Variants in RTTN observed in about 807,000 individuals in gnomAD.
RTTN encodes rotatin.
RTTN carries 182 observed loss-of-function variants against 269.2 expected under a neutral mutation model. That is an observed-to-expected ratio of 0.68 (90% CI 0.60 to 0.76). The LOEUF is 0.76. Among genes scored for constraint, RTTN ranks in the 30% least tolerant of loss-of-function variants. The probability of loss-of-function intolerance (pLI) is 0.00; values close to 1 mark genes in which losing one functional copy is unlikely to be tolerated. For missense variants in RTTN, 2,545 were observed against 2,608.6 expected, an observed-to-expected ratio of 0.98 and a Z score of 0.53; for synonymous variants, 1,006 against 963.5, an observed-to-expected ratio of 1.04 and a Z score of -0.82.
At chr18:70,149,948 A>G (rs753599867) in intron 16 of RTTN, 23 bp downstream of exon 16, 111 of 1,477,170 alleles carry the variant, frequency 7.5e-5, no homozygotes, top group Middle Eastern at 1.8e-4. Context: ...ATGGTATCAT[A>G]AAAAGTGAAT....
chr18:70,101,227 G>C (rs1019951134), intron 28 of RTTN, among the ~76,000 whole-genome samples: 4 of 152,098 alleles, frequency 2.6e-5, no homozygotes, highest in African/African-American at 9.7e-5. Context: ...TGGTTGGTAG[G>C]CTAATAATTA....
At chr18:70,054,668 A>G (rs2057766804) in intron 37 of RTTN, among the ~76,000 whole-genome samples, 2 of 152,154 alleles carry the variant, frequency 1.3e-5, no homozygotes, top group Non-Finnish European at 2.9e-5. Context: ...TCCTGTTTCC[A>G]CAAAAAATAT....
chr18:70,066,042 A>C, intron 34 of RTTN, 120 bp from the exon 35 acceptor site: 5 of 519,722 alleles, frequency 9.6e-6, no homozygotes, highest in Non-Finnish European at 1.3e-5. Flanking sequence ...ACTAGTTAGG[A>C]TAACTAGAAA....
At chr18:70,042,961 A>G (rs2057389189) in intron 40 of RTTN, among the ~76,000 whole-genome samples, 1 of 152,232 alleles carries the variant, frequency 6.6e-6, no homozygotes, top group Non-Finnish European at 1.5e-5. Flanking sequence ...GAGACTGCAC[A>G]TAGCACAGAG....
At chr18:70,107,937 GAC>G (rs2059364421) in intron 28 of RTTN, among the ~76,000 whole-genome samples, 1 of 152,156 alleles carries the variant, frequency 6.6e-6, no homozygotes, top group Non-Finnish European at 1.5e-5. Flanking sequence ...TACTAAGGCT[GAC>G]ACACATAAAA....
chr18:70,042,366 C>CTTTT (rs1017125527), intron 40 of RTTN, among the ~76,000 whole-genome samples: 29 of 78,074 alleles, frequency 3.7e-4, no homozygotes, highest in African/African-American at 5.9e-4. Flanking sequence ...TTGGAATTTT[C>CTTTT]TTTTTTTTTT....
chr18:70,196,606 G>A lies in RTTN; in HGVS notation c.736C>T (p.His246Tyr). The change falls in exon 7 of 49, where the codon CAT (histidine) becomes TAT (tyrosine). Residue 246 changes from histidine (H) to tyrosine (Y), a missense_variant. Coordinates refer to ENST00000640769, the MANE Select transcript of RTTN (RefSeq NM_173630.4). Reference protein sequence around the residue: ...LLKLAFGDGKHRLALQSVSCL... With the variant: ...LLKLAFGDGKYRLALQSVSCL... ...GACACCGACTGTAATGCCAGGCGATGCTTTCCATCTCCAAAGGCCAGTTTC... is the reference window on the plus strand; with the variant it reads ...GACACCGACTGTAATGCCAGGCGATACTTTCCATCTCCAAAGGCCAGTTTC... The A allele has an allele frequency of 5.4e-6, 8 of 1,469,286 alleles. No individual in the cohort carries two copies. Among genetic ancestry groups the A allele is most frequent in the Non-Finnish European group, 7.2e-6 (8 of 1,108,980 alleles). The allele number at this position is 1,469,286 out of a possible 1,614,324, so 91.0% of individuals were successfully genotyped here. A position where few individuals can be genotyped will look rare whatever the true frequency, so the allele number is the denominator to read the frequency against.
intron 40 of RTTN, among the ~76,000 whole-genome samples, chr18:70,038,247 C>A (rs549474078): frequency 3.2e-4 from 49 of 152,252 alleles, no homozygotes; most frequent in African/African-American, 1.1e-3. Flanking sequence ...ATTATGAAGT[C>A]CTAGGGCCTT....
intron 37 of RTTN, among the ~76,000 whole-genome samples, chr18:70,056,388 C>T (rs1455213062): frequency 6.6e-6 from 1 of 152,156 alleles, no homozygotes; most frequent in Non-Finnish European, 1.5e-5. Context: ...CAGGCATTTC[C>T]TTTATAAAAT....
intron 40 of RTTN, among the ~76,000 whole-genome samples, chr18:70,034,209 G>A (rs1054962601): frequency 6.6e-6 from 1 of 152,094 alleles, no homozygotes; most frequent in Non-Finnish European, 1.5e-5. Context: ...TTCATTCTAT[G>A]AGGCTAGCAT....
At chr18:70,141,204 T>C (rs2060248918) in intron 19 of RTTN, among the ~76,000 whole-genome samples, 1 of 152,180 alleles carries the variant, frequency 6.6e-6, no homozygotes. Context: ...AACTCTCTCA[T>C]TCCAGTTTCC....
Position 70,024,736 on chromosome 18 carries a change from G to C in RTTN, c.5936C>G (p.Ala1979Gly). ...GATCCTATTACCATTTGGAAAATTT[G>C]CAGTATAGACACAAAGGAGCTGCAG... is the stretch of plus-strand genomic sequence containing the variant. Reference protein sequence around the residue: ...ISLQLLCVYTANFPNGCSSLC... With the variant: ...ISLQLLCVYTGNFPNGCSSLC... Residue 1979 changes from alanine to glycine, a missense_variant, in exon 44 of 49, where the codon GCA becomes GGA. Ala to Gly is a moderately conservative substitution (Grantham distance 60). Transcript: ENST00000640769. The C allele has an allele frequency of 6.2e-7, 1 of 1,613,408 alleles. No individual in the cohort carries two copies. Among genetic ancestry groups the C allele is most frequent in the Admixed American group, 1.7e-5 (1 of 59,978 alleles).
chr18:70,131,695 T>A (rs1357150191), intron 23 of RTTN: 1 of 151,144 alleles, frequency 6.6e-6, no homozygotes, highest in East Asian at 1.9e-4. Flanking sequence ...AATAAATAAA[T>A]AAAATACTTA....
rs143762806 is a variant in RTTN, at chr18:70,052,892, G to A, written c.5185+1239C>T. On this transcript the variant is annotated intron_variant, in intron 38 of 48. Coordinates refer to ENST00000640769, the MANE Select transcript of RTTN (RefSeq NM_173630.4). Reference sequence around the variant, plus strand: ...GATATTGACATTTTTTCCTTTCAGCGCTTGATATAATTAATGATGGGTTAA... The same window carrying A: ...GATATTGACATTTTTTCCTTTCAGCACTTGATATAATTAATGATGGGTTAA... 2.9e-3 allele frequency among the ~76,000 whole-genome samples: 442 copies of A among 151,956 alleles called. 1 individual carries two copies. Among genetic ancestry groups the A allele is most frequent in the African/African-American group, 9.8e-3 (408 of 41,482 alleles).
At chr18:70,139,996 G>C in intron 20 of RTTN, 104 bp downstream of exon 20, 1 of 785,094 alleles carries the variant, frequency 1.3e-6, no homozygotes, top group Non-Finnish European at 2.1e-6. Flanking sequence ...GTGTTACTTA[G>C]AATTTAAAAT....
chr18:70,194,036 T>A (rs1337884687), intron 7 of RTTN: 2 of 152,178 alleles, frequency 1.3e-5, no homozygotes, highest in African/African-American at 2.4e-5. Flanking sequence ...AAACCATATA[T>A]CTGATAAGGG....
intron 10 of RTTN, among the ~76,000 whole-genome samples, chr18:70,180,826 G>A (rs867718649): frequency 3.3e-5 from 5 of 152,088 alleles, no homozygotes; most frequent in East Asian, 1.9e-4. Context: ...CTTAGTTTAC[G>A]TGTTATTCCT....
chr18:70,135,660 G>C (rs2060107644), intron 21 of RTTN, among the ~76,000 whole-genome samples: 2 of 152,130 alleles, frequency 1.3e-5, no homozygotes, highest in South Asian at 4.1e-4. Context: ...GATAATTCTA[G>C]CTAAAGTTTC....
chr18:70,152,311 G>A (rs968064129), intron 14 of RTTN, among the ~76,000 whole-genome samples: 1 of 152,110 alleles, frequency 6.6e-6, no homozygotes, highest in Non-Finnish European at 1.5e-5. Flanking sequence ...TGAGCCTATA[G>A]GGTTCAAAGC....
Sources: gnomAD v4.1 joint callset for allele counts (sites outside exome capture counted in the v4.1 genomes callset) on GRCh38, gnomAD v4.1.1 for gene constraint, MANE v1.5 for transcripts, NCBI Gene and HGNC (gene_info 2026-07-23, HGNC 2026-07-21) for gene names.